The following RBFOX1 variants were observed in gnomAD, a reference collection of about 807,000 sequenced individuals.
The protein encoded by RBFOX1 is RNA binding protein fox-1 homolog 1.
RBFOX1 carries 8 observed loss-of-function variants against 57.7 expected under a neutral mutation model. The observed-to-expected ratio is 0.14, with a 90% confidence interval of 0.08 to 0.25. The LOEUF (loss-of-function observed/expected upper bound fraction) is 0.25. Ranked by LOEUF, RBFOX1 falls within the 10% of genes least tolerant of loss-of-function variation. The pLI, the probability that RBFOX1 is intolerant of heterozygous loss-of-function variation, is 1.00. For missense variants in RBFOX1, 611 were observed against 548.5 expected (o/e 1.11, Z -1.14); for synonymous variants, 326 against 222.4 (o/e 1.47, Z -4.15).
intron 2 of RBFOX1, among the ~76,000 whole-genome samples, chr16:6,635,625 C>G (rs557635320): frequency 2.0e-5 from 3 of 152,080 alleles, no homozygotes; most frequent in East Asian, 1.9e-4. Context: ...GAATATGAGT[C>G]TAGGAAGGAA....
intron 4 of RBFOX1, among the ~76,000 whole-genome samples, chr16:7,486,031 A>C (rs1043196933): frequency 6.6e-6 from 1 of 152,008 alleles, no homozygotes; most frequent in Non-Finnish European, 1.5e-5. Context: ...TTACAGGAAA[A>C]CACAATTTCT....
chr16:7,477,287 T>A (rs952922719), intron 4 of RBFOX1, among the ~76,000 whole-genome samples: 1 of 152,184 alleles, frequency 6.6e-6, no homozygotes, highest in African/African-American at 2.4e-5. Context: ...GGCTTATTAT[T>A]TCTTCCTGAA....
intron 4 of RBFOX1, among the ~76,000 whole-genome samples, chr16:7,207,780 T>G (rs981870801): frequency 6.6e-6 from 1 of 152,212 alleles, no homozygotes; most frequent in Non-Finnish European, 1.5e-5. Context: ...CCAGTTCATG[T>G]AGCTTCTCCT....
intron 2 of RBFOX1, among the ~76,000 whole-genome samples, chr16:6,326,023 T>A (rs2082330611): frequency 1.3e-5 from 2 of 151,630 alleles, no homozygotes; most frequent in African/African-American, 4.8e-5. Context: ...TGTGCGTGAG[T>A]GTGTGTGTGT....
chr16:5,801,778 A>G (rs1168512613), intron 3 of RBFOX1, among the ~76,000 whole-genome samples: 2 of 152,190 alleles, frequency 1.3e-5, no homozygotes, highest in African/African-American at 2.4e-5. Flanking sequence ...TTTTATTCCT[A>G]TGCTGACAGG....
At chr16:6,268,894 C>T (rs527938592) in intron 1 of RBFOX1, among the ~76,000 whole-genome samples, 3 of 152,156 alleles carry the variant, frequency 2.0e-5, no homozygotes, top group Non-Finnish European at 4.4e-5. Flanking sequence ...GGACTGGTTC[C>T]AGGACAGTCC....
chr16:6,103,752 C>T (rs1328863708), intron 1 of RBFOX1, among the ~76,000 whole-genome samples: 1 of 152,046 alleles, frequency 6.6e-6, no homozygotes, highest in Non-Finnish European at 1.5e-5. Flanking sequence ...TGCCATTGGC[C>T]AGAACCAGTC....
At chr16:6,018,621 CT>C (rs2095015406), upstream of RBFOX1, among the ~76,000 whole-genome samples, 2 of 152,092 alleles carry the variant, frequency 1.3e-5, no homozygotes, top group South Asian at 4.1e-4. Flanking sequence ...GCCTGGAGAA[CT>C]TTTTGAATCT....
intron 4 of RBFOX1, among the ~76,000 whole-genome samples, chr16:7,218,329 G>T (rs537297409): frequency 6.6e-6 from 1 of 152,174 alleles, no homozygotes; most frequent in Admixed American, 6.5e-5. Flanking sequence ...GCCATCATCA[G>T]TATATTGTTT....
intron 2 of RBFOX1, among the ~76,000 whole-genome samples, chr16:6,597,968 C>G (rs1340018163): frequency 6.6e-6 from 1 of 152,150 alleles, no homozygotes; most frequent in Non-Finnish European, 1.5e-5. Context: ...CTTAATAACA[C>G]CGGGAGTTGC....
chr16:6,500,721 C>T (rs149896541), intron 2 of RBFOX1, among the ~76,000 whole-genome samples: 18 of 152,210 alleles, frequency 1.2e-4, no homozygotes, highest in African/African-American at 4.3e-4. Context: ...GACATCAACA[C>T]TTGACAACAT....
intron 4 of RBFOX1, among the ~76,000 whole-genome samples, chr16:7,394,262 AAAGAG>A (rs1379278003): frequency 2.7e-5 from 4 of 148,982 alleles, no homozygotes; most frequent in South Asian, 4.3e-4. Flanking sequence ...AAAAAAAAAA[AAAGAG>A]AGAAAGAAAT....
chr16:6,391,229 G>A (rs1416902702), intron 2 of RBFOX1, among the ~76,000 whole-genome samples: 1 of 152,168 alleles, frequency 6.6e-6, no homozygotes, highest in Middle Eastern at 3.2e-3. Flanking sequence ...CACGATTTGG[G>A]CCAGGCACGG....
intron 3 of RBFOX1, among the ~76,000 whole-genome samples, chr16:6,667,405 T>G (rs2098739611): frequency 6.6e-6 from 1 of 152,150 alleles, no homozygotes; most frequent in African/African-American, 2.4e-5. Flanking sequence ...AGCTTAGGAT[T>G]CTAAAAGGCC....
chr16:5,373,643 C>T (rs2065913920), intron 1 of RBFOX1, among the ~76,000 whole-genome samples: 1 of 151,840 alleles, frequency 6.6e-6, no homozygotes, highest in Admixed American at 6.6e-5. Flanking sequence ...CTCTCTCTGT[C>T]ACCCAGGCTG....
At chr16:7,651,262 G>T (rs2065000856) in intron 11 of RBFOX1, among the ~76,000 whole-genome samples, 1 of 152,108 alleles carries the variant, frequency 6.6e-6, no homozygotes. Flanking sequence ...CTTCACTTTG[G>T]TCGGGTTCGG....
chr16:7,034,469 C>G (rs976381989), intron 3 of RBFOX1, among the ~76,000 whole-genome samples: 2 of 152,132 alleles, frequency 1.3e-5, no homozygotes, highest in Admixed American at 6.5e-5. Flanking sequence ...TTGCTGGGCT[C>G]CAGCTGGCTG....
At chr16:6,010,798 C>T (rs1207516820) in intron 4 of RBFOX1, among the ~76,000 whole-genome samples, 3 of 152,128 alleles carry the variant, frequency 2.0e-5, no homozygotes, top group African/African-American at 7.2e-5. Flanking sequence ...TTTATATTGC[C>T]CTCATATTAT....
At chr16:5,578,266 A>G (rs765043197) in intron 2 of RBFOX1, among the ~76,000 whole-genome samples, 1 of 152,102 alleles carries the variant, frequency 6.6e-6, no homozygotes, top group Non-Finnish European at 1.5e-5. Context: ...TTTGTGATGG[A>G]TGACCTGGGC....
Sources: gnomAD v4.1 joint callset for allele counts (sites outside exome capture counted in the v4.1 genomes callset) on GRCh38, gnomAD v4.1.1 for gene constraint, MANE v1.5 for transcripts, NCBI Gene and HGNC (gene_info 2026-07-23, HGNC 2026-07-21) for gene names.